Variants in CEP68 observed in about 807,000 individuals in gnomAD.
CEP68 encodes centrosomal protein 68.
In CEP68, 26 loss-of-function variants were observed where a neutral mutation model predicts 55.3. That is an observed-to-expected ratio of 0.47 (90% CI 0.34 to 0.65). The LOEUF (loss-of-function observed/expected upper bound fraction) is 0.65, where lower values mean the gene tolerates loss of function less well. Ranked by LOEUF, CEP68 falls within the 30% of genes least tolerant of loss-of-function variation. CEP68 has a pLI of 0.01. For synonymous variants in CEP68, 402 were observed against 383.2 expected, an observed-to-expected ratio of 1.05 and a Z score of -0.57; for missense variants, 957 against 946.7, an observed-to-expected ratio of 1.01 and a Z score of -0.14.
intron 1 of CEP68, among the ~76,000 whole-genome samples, chr2:65,066,746 ATAT>A (rs1159486476): frequency 0.017 from 617 of 37,244 alleles, 5 homozygotes; most frequent in African/African-American, 0.057. Context: ...AAAAAAAAAA[ATAT>A]ATATATATAT....
intron 1 of CEP68, among the ~76,000 whole-genome samples, chr2:65,062,833 T>C (rs1385589875): frequency 4.8e-5 from 6 of 124,888 alleles, no homozygotes; most frequent in African/African-American, 2.0e-4. Flanking sequence ...CGAGACTCTA[T>C]CTCAAAAAAA....
At chr2:65,066,745 A>AAAAAAATATAT (rs70943620) in intron 1 of CEP68, among the ~76,000 whole-genome samples, 97 of 58,330 alleles carry the variant, frequency 1.7e-3, no homozygotes, top group Non-Finnish European at 2.5e-3. Context: ...AAAAAAAAAA[A>AAAAAAATATAT]ATATATATAT....
chr2:65,066,745 A>ATATAT (rs1553384178), intron 1 of CEP68, among the ~76,000 whole-genome samples: 211 of 58,310 alleles, frequency 3.6e-3, no homozygotes, highest in Middle Eastern at 0.017. Flanking sequence ...AAAAAAAAAA[A>ATATAT]ATATATATAT....
intron 3 of CEP68, chr2:65,073,191 T>A (rs1219740210): frequency 6.2e-6 from 4 of 647,806 alleles, no homozygotes; most frequent in South Asian, 5.1e-5. Flanking sequence ...AGAGAGAGGT[T>A]AGGTAACGTG....
At position 65,072,415 on chromosome 2, in the gene CEP68, C is replaced by G. The variant is rs1311341439; in HGVS notation, c.1319C>G (p.Thr440Arg). The change falls in exon 3 of 7, where the codon ACA becomes AGA. Residue 440 changes from threonine to arginine, a missense_variant. Physicochemically the swap from Thr to Arg is moderately conservative, Grantham distance 71. Coordinates refer to ENST00000377990, the MANE Select transcript of CEP68 (RefSeq NM_015147.3). ...HLDMGSPQLR[T>R]RDRGWPSPRP... ...GATATGGGCTCTCCCCAGCTAAGGA[C>G]ACGGGACAGAGGGTGGCCCTCGCCC... is the stretch of plus-strand genomic sequence containing the variant. The G allele has an allele frequency of 6.2e-7, 1 of 1,614,036 alleles. No individual in the cohort carries two copies. Among genetic ancestry groups the G allele is most frequent in the Non-Finnish European group, 8.5e-7 (1 of 1,180,036 alleles).
chr2:65,086,058 G>A lies in CEP68; in HGVS notation c.*2424G>A, dbSNP rs1005805678. 7.5e-6 allele frequency: 1 copy of A among 133,852 alleles called. No homozygotes were observed. Among genetic ancestry groups the A allele is most frequent in the Non-Finnish European group, 1.6e-5 (1 of 62,566 alleles). 8.3% of individuals were successfully genotyped at this position (133,852 alleles called of 1,614,324 possible). A position where few individuals can be genotyped will look rare whatever the true frequency, so the allele number is the denominator to read the frequency against. ...TCTTGGAGATCCATAGGTAAGCTCA[G>A]CAAATGGAAGACGACGTCAACACGG... On this transcript the variant is annotated 3_prime_UTR_variant, in exon 7 of 7. Transcript: ENST00000377990.
At chr2:65,058,081 T>C (rs561523521) in intron 1 of CEP68, among the ~76,000 whole-genome samples, 1 of 151,980 alleles carries the variant, frequency 6.6e-6, no homozygotes, top group East Asian at 2.0e-4. Flanking sequence ...ACAAAGAAAA[T>C]GATCAGTAGC....
At chr2:65,074,646 T>C (rs893542377) in intron 4 of CEP68, 1 of 502,876 alleles carries the variant, frequency 2.0e-6, no homozygotes, top group East Asian at 4.6e-5. Context: ...AAAAATACTT[T>C]AGGTTTTGGG....
chr2:65,073,164 T>G (rs1365424076), intron 3 of CEP68, 184 bp downstream of exon 3: 1 of 753,486 alleles, frequency 1.3e-6, no homozygotes, highest in South Asian at 1.5e-5. Flanking sequence ...CTCATTTTAC[T>G]TTTTGGAGGA....
intron 5 of CEP68, among the ~76,000 whole-genome samples, chr2:65,078,702 C>T (rs1422661687): frequency 2.0e-5 from 3 of 151,622 alleles, no homozygotes; most frequent in Admixed American, 2.0e-4. Context: ...CCACCATGCC[C>T]GGCTATTTTT....
intron 6 of CEP68, among the ~76,000 whole-genome samples, chr2:65,083,252 G>C (rs1330178244): frequency 6.6e-6 from 1 of 152,174 alleles, no homozygotes; most frequent in African/African-American, 2.4e-5. Flanking sequence ...AAAGGCTAGG[G>C]GGATGGAGGG....
intron 5 of CEP68, 102 bp from the exon 6 acceptor site, chr2:65,082,434 G>A (rs1263273781): frequency 2.9e-6 from 3 of 1,041,188 alleles, no homozygotes; most frequent in East Asian, 6.0e-5. Flanking sequence ...GTCCTACTTT[G>A]TGTAAAATAC....
Position 65,069,717 on chromosome 2 carries a change from A to G in CEP68, c.273A>G (p.Val91=). The G allele has an allele frequency of 6.2e-7, 1 of 1,614,152 alleles. No homozygotes were observed. The highest frequency in any genetic ancestry group is 8.5e-7 in the Non-Finnish European group (1 of 1,180,038). ...CCAGTGATGCCAACAGAGAGCCCGT[A>G]GCTGAGAGGTCTGAGCCTGCACTCA... ...PQASDANREP[V]AERSEPALSG... is the part of the protein sequence containing the mutation. Residue 91 remains valine, a synonymous_variant, in exon 2 of 7, where the codon GTA becomes GTG. Coordinates refer to ENST00000377990, the MANE Select transcript of CEP68 (RefSeq NM_015147.3).
chr2:65,060,563 C>CT (rs775170358), intron 1 of CEP68, among the ~76,000 whole-genome samples: 1 of 151,472 alleles, frequency 6.6e-6, no homozygotes, highest in Non-Finnish European at 1.5e-5. Flanking sequence ...GGCCTCGTCT[C>CT]TTAAAAAAAA....
rs183405926 is a variant in CEP68 at position 65,059,393 on chromosome 2, C to A, written c.-47+2865C>A. Among the ~76,000 whole-genome samples, 289 of 152,304 alleles carry A rather than the reference C, an allele frequency of 1.9e-3. 2 individuals are homozygous for A. The highest frequency in any genetic ancestry group is 6.6e-3 in the African/African-American group (276 of 41,542). ...TTATTTCCAGTTTCCAAAACAAATA[C>A]CTTTCCCCTCCTCACTTGTAACTGG... is the stretch of plus-strand genomic sequence containing the variant. On this transcript the variant is annotated intron_variant, in intron 1 of 6. Transcript: ENST00000377990.
At chr2:65,067,646 A>G (rs1573026264) in intron 1 of CEP68, among the ~76,000 whole-genome samples, 1 of 152,254 alleles carries the variant, frequency 6.6e-6, no homozygotes, top group East Asian at 1.9e-4. Flanking sequence ...TGTCCATACC[A>G]TGCCAGGCAC....
chr2:65,068,158 C>T (rs1358442435), intron 1 of CEP68, among the ~76,000 whole-genome samples: 2 of 152,154 alleles, frequency 1.3e-5, no homozygotes, highest in South Asian at 4.1e-4. Context: ...TGGGCATTCA[C>T]GGTTCCGTTA....
At chr2:65,083,495 T>G (rs1004911000) in intron 6 of CEP68, 144 bp from the exon 7 acceptor site, 3 of 152,268 alleles carry the variant, frequency 2.0e-5, no homozygotes, top group African/African-American at 7.2e-5. Context: ...ACTATAGGTA[T>G]GCTAAGAGCA....
In CEP68 at chr2:65,071,523, A is replaced by G. The variant is rs13389745; in HGVS notation, c.427A>G (p.Ile143Val). 0.011 allele frequency: 17,302 copies of G among 1,613,124 alleles called. 1,594 individuals carry two copies. In the African/African-American group the frequency reaches 0.2, roughly 19 times the overall value. ...QTLSLPRTTTICSGHDADTED... is the reference protein window; with the variant it reads ...QTLSLPRTTTVCSGHDADTED... The stretch of plus-strand genomic sequence containing the variant: ...TCTGAGCCTTCCCAGAACAACAACT[A>G]TTTGCTCAGGACATGATGCTGATAC... The change falls in exon 3 of 7, where the codon ATT becomes GTT. Residue 143 changes from isoleucine (I) to valine (V), a missense_variant. Transcript: ENST00000377990.
Sources: gnomAD v4.1 joint callset for allele counts (sites outside exome capture counted in the v4.1 genomes callset) on GRCh38, gnomAD v4.1.1 for gene constraint, MANE v1.5 for transcripts, NCBI Gene and HGNC (gene_info 2026-07-23, HGNC 2026-07-21) for gene names.